Variants in RFTN1 observed in about 807,000 individuals in gnomAD.
RFTN1 encodes the protein raftlin, lipid raft linker 1, also known as raftlin.
In RFTN1, 26 loss-of-function variants were observed where a neutral mutation model predicts 46.5. The ratio of observed to expected loss-of-function variants is 0.56; its 90% CI spans 0.41 to 0.78. The LOEUF is 0.78. Ranked by LOEUF, RFTN1 falls within the 30% of genes least tolerant of loss-of-function variation. The probability of loss-of-function intolerance (pLI) is 0.00; values close to 1 mark genes in which losing one functional copy is unlikely to be tolerated. For missense variants in RFTN1, 693 were observed against 718.7 expected (o/e 0.96, Z 0.41); for synonymous variants, 261 against 284.2 (o/e 0.92, Z 0.82).
At position 16,428,532 on chromosome 3, in the gene RFTN1, C is replaced by G. The variant is rs1290856745; in HGVS notation, c.332+5319G>C. Among the ~76,000 whole-genome samples the G allele has an allele frequency of 6.6e-6, 1 of 152,196 alleles. No homozygotes were observed. Among genetic ancestry groups the G allele is most frequent in the Admixed American group, 6.5e-5 (1 of 15,284 alleles). On this transcript the variant is annotated intron_variant, in intron 3 of 9. Transcript: ENST00000334133. The surrounding 1 kb of genome is among the most constrained non-coding windows in gnomAD (Gnocchi z 4.7). Reference sequence around the variant, plus strand: ...TGCAGCCTCTGCATTAACTACAGGTCCTCTGTGTGCCCCCACCCTAATCCT... The same window carrying G: ...TGCAGCCTCTGCATTAACTACAGGTGCTCTGTGTGCCCCCACCCTAATCCT...
At position 16,435,476 on chromosome 3, in the gene RFTN1, G is replaced by A. The variant is rs554617179; in HGVS notation, c.146-1439C>T. Among the ~76,000 whole-genome samples the A allele has an allele frequency of 7.0e-4, 106 of 152,096 alleles. 1 individual carries two copies. The highest frequency in any genetic ancestry group is 4.1e-3 in the Admixed American group (63 of 15,280). The stretch of plus-strand genomic sequence containing the variant: ...TCCCAGCTACTCGGGAGGCTGAGGC[G>A]GAAGAATCTCTTGAACCTGGGAGGC... On this transcript the variant is annotated intron_variant, in intron 2 of 9. Coordinates refer to ENST00000334133, the MANE Select transcript of RFTN1 (RefSeq NM_015150.2).
rs1439717016 is a variant in RFTN1, at chr3:16,428,582, T to C, written c.332+5269A>G. On this transcript the variant is annotated intron_variant, in intron 3 of 9. Coordinates refer to ENST00000334133, the MANE Select transcript of RFTN1 (RefSeq NM_015150.2). This position sits in a 1 kb window ranked among gnomAD's most constrained non-coding sequence, Gnocchi z 4.7. ...TAGGCCAAAAGGTGCCTGATAAATGTCCACAGAGCTCCCTAGTATGCTGGT... is the reference window on the plus strand; with the variant it reads ...TAGGCCAAAAGGTGCCTGATAAATGCCCACAGAGCTCCCTAGTATGCTGGT... Among the ~76,000 whole-genome samples the C allele has an allele frequency of 6.6e-6, 1 of 152,158 alleles. No homozygotes were observed. The highest frequency in any genetic ancestry group is 1.5e-5 in the Non-Finnish European group (1 of 68,018).
rs1192254136 is a variant in RFTN1 at position 16,418,259 on chromosome 3, G to A, written c.333-8776C>T. ...GGCCACTAAAAAACAATTGCCTGTCGAAAAACTATTATAAACTATACTTCT... is the reference window on the plus strand; with the variant it reads ...GGCCACTAAAAAACAATTGCCTGTCAAAAAACTATTATAAACTATACTTCT... On this transcript the variant is annotated intron_variant, in intron 3 of 9. Transcript: ENST00000334133. The surrounding 1 kb of genome is among the most constrained non-coding windows in gnomAD (Gnocchi z 5.0). Among the ~76,000 whole-genome samples, 1 of 152,116 alleles carries A rather than the reference G, an allele frequency of 6.6e-6. No homozygotes were observed. The highest frequency in any genetic ancestry group is 1.5e-5 in the Non-Finnish European group (1 of 68,014).
chr3:16,510,572 C>T lies in RFTN1; in HGVS notation c.-9+2870G>A, dbSNP rs563703019. Among the ~76,000 whole-genome samples, 8 of 152,328 alleles carry T rather than the reference C, an allele frequency of 5.3e-5. No homozygotes were observed. In the South Asian group the frequency reaches 1.7e-3, roughly 32 times the overall value. ...CATGTTCCCCACTGCCTCAGATTCC[C>T]TCTGGCCCCAGAAGAACACTAGTCA... On this transcript the variant is annotated intron_variant, in intron 1 of 9. Coordinates refer to ENST00000334133, the MANE Select transcript of RFTN1 (RefSeq NM_015150.2).
Position 16,320,712 on chromosome 3 carries a change from T to C in RFTN1, c.1332+2664A>G, listed in dbSNP as rs952481701. On this transcript the variant is annotated intron_variant, in intron 9 of 9. Transcript: ENST00000334133. This position sits in a 1 kb window ranked among gnomAD's most constrained non-coding sequence, Gnocchi z 4.5. ...AGTAGAGCTAGAAAGGAGGAGAATG[T>C]CCTTGGCAGAGGGGACACGGAAGAA... 6.6e-6 allele frequency among the ~76,000 whole-genome samples: 1 copy of C among 152,138 alleles called. No individual in the cohort carries two copies. Among genetic ancestry groups the C allele is most frequent in the African/African-American group, 2.4e-5 (1 of 41,420 alleles).
chr3:16,440,771 G>A lies in RFTN1; in HGVS notation c.146-6734C>T, dbSNP rs1435696669. Among the ~76,000 whole-genome samples the A allele has an allele frequency of 3.9e-5, 6 of 152,102 alleles. No homozygotes were observed. Among genetic ancestry groups the A allele is most frequent in the African/African-American group, 1.4e-4 (6 of 41,408 alleles). ...CTTAATCTTCCTAATCTTTAAATGT[G>A]ACAAGTAACTGTAATTTTTTTCTCA... On this transcript the variant is annotated intron_variant, in intron 2 of 9. Transcript: ENST00000334133. This position sits in a 1 kb window ranked among gnomAD's most constrained non-coding sequence, Gnocchi z 4.6.
In RFTN1 at chr3:16,473,407, T is replaced by TC. The variant is rs1318692995; in HGVS notation, c.145+20317_145+20318insG. 2.0e-5 allele frequency among the ~76,000 whole-genome samples: 3 copies of TC among 151,936 alleles called. No homozygotes were observed. The highest frequency in any genetic ancestry group is 2.0e-4 in the Admixed American group (3 of 15,268). On this transcript the variant is annotated intron_variant, in intron 2 of 9. Transcript: ENST00000334133. The surrounding 1 kb of genome is among the most constrained non-coding windows in gnomAD (Gnocchi z 5.3). ...CTCTGTTTTCTTTCTTTTTTCTTTT[T>TC]TTTTTTTTCCTGAGATAGAGTCTGG...
In RFTN1 at chr3:16,512,399, A is replaced by G. The variant is rs1243749448; in HGVS notation, c.-9+1043T>C. Among the ~76,000 whole-genome samples the G allele has an allele frequency of 1.4e-5, 2 of 147,376 alleles. No individual in the cohort carries two copies. Among genetic ancestry groups the G allele is most frequent in the Non-Finnish European group, 3.0e-5 (2 of 67,412 alleles). ...TTGCTGGAAACTGGGGTGACCACTG[A>G]CAGAGATTGAGCCAGACTTTTTTTT... is the stretch of plus-strand genomic sequence containing the variant. On this transcript the variant is annotated intron_variant, in intron 1 of 9. Coordinates refer to ENST00000334133, the MANE Select transcript of RFTN1 (RefSeq NM_015150.2). The surrounding 1 kb of genome is among the most constrained non-coding windows in gnomAD (Gnocchi z 4.3).
At chr3:16,324,192 AGT>A (rs1478875573) in intron 8 of RFTN1, among the ~76,000 whole-genome samples, 3 of 152,152 alleles carry the variant, frequency 2.0e-5, no homozygotes, top group Non-Finnish European at 4.4e-5. Context: ...TATGGGGTAG[AGT>A]GTGATGTTTT....
chr3:16,461,709 G>T (rs1236461269), intron 2 of RFTN1, among the ~76,000 whole-genome samples: 19 of 152,180 alleles, frequency 1.2e-4, no homozygotes, highest in Admixed American at 8.5e-4. Context: ...GGCAGGCAGG[G>T]TCTAAATAAC....
rs148740330 is a variant in RFTN1 at position 16,378,032 on chromosome 3, G to C, written c.512C>G (p.Ser171Trp). 6.2e-7 allele frequency: 1 copy of C among 1,614,124 alleles called. No individual in the cohort carries two copies. The highest frequency in any genetic ancestry group is 2.2e-5 in the East Asian group (1 of 44,904). The change falls in exon 5 of 10, where the codon TCG (serine) becomes TGG (tryptophan). Residue 171 changes from serine (S) to tryptophan (W), a missense_variant. Transcript: ENST00000334133. ...AGACACCGGAGCACTGCTGCCTGCC[G>C]AGTTCACAGAGGAATGGTACTGAGG... ...VIPQYHSSVN[S>W]AGSSAPVSTA...
At position 16,366,922 on chromosome 3, in the gene RFTN1, C is replaced by T. The variant is rs548995875; in HGVS notation, c.1030+3154G>A. 1.2e-4 allele frequency among the ~76,000 whole-genome samples: 18 copies of T among 152,264 alleles called. No homozygotes were observed. The East Asian group carries it at 3.3e-3, about 28-fold the overall frequency. ...TCATTCTAAGGTTTAATGAACGACC[C>T]AGGGAGAGGAGTCCTGGACACCATG... On this transcript the variant is annotated intron_variant, in intron 6 of 9. Coordinates refer to ENST00000334133, the MANE Select transcript of RFTN1 (RefSeq NM_015150.2).
intron 3 of RFTN1, among the ~76,000 whole-genome samples, chr3:16,431,137 C>T (rs2075378312): frequency 6.6e-6 from 1 of 152,170 alleles, no homozygotes; most frequent in Non-Finnish European, 1.5e-5. Flanking sequence ...TCGATGTGCC[C>T]CTTGCACGAC....
At chr3:16,332,614 C>T (rs904365405) in intron 7 of RFTN1, among the ~76,000 whole-genome samples, 2 of 152,170 alleles carry the variant, frequency 1.3e-5, no homozygotes, top group African/African-American at 2.4e-5. Flanking sequence ...GTTCACATCC[C>T]CCAACCTCCC....
chr3:16,486,034 G>C (rs181300296), intron 2 of RFTN1, among the ~76,000 whole-genome samples: 16 of 152,328 alleles, frequency 1.1e-4, no homozygotes, highest in Admixed American at 3.3e-4. Flanking sequence ...CTTTAAAGCA[G>C]ACTCAGCATC....
chr3:16,410,562 G>T lies in RFTN1; in HGVS notation c.333-1079C>A, dbSNP rs1284949610. ...TTAAAAGGGTTCAACCCCTTTAGAG[G>T]GCAATCTGGCAAAATCTATGGAAAT... On this transcript the variant is annotated intron_variant, in intron 3 of 9. Transcript: ENST00000334133. The surrounding 1 kb of genome is among the most constrained non-coding windows in gnomAD (Gnocchi z 4.6). Among the ~76,000 whole-genome samples, 2 of 151,584 alleles carry T rather than the reference G, an allele frequency of 1.3e-5. No individual in the cohort carries two copies.
At chr3:16,436,467 T>A (rs2075518650) in intron 2 of RFTN1, among the ~76,000 whole-genome samples, 1 of 152,026 alleles carries the variant, frequency 6.6e-6, no homozygotes, top group South Asian at 2.1e-4. Flanking sequence ...AGTGATTCCA[T>A]GAAAAACTTT....
chr3:16,495,354 G>A (rs765519936), intron 1 of RFTN1, among the ~76,000 whole-genome samples: 5 of 152,242 alleles, frequency 3.3e-5, no homozygotes, highest in African/African-American at 7.2e-5. Flanking sequence ...CACGTAGCCC[G>A]TCAAGATGTG....
chr3:16,472,495 C>G (rs1480280360), intron 2 of RFTN1: 2 of 152,242 alleles, frequency 1.3e-5, no homozygotes, highest in African/African-American at 4.8e-5. Context: ...CCCAAACAAC[C>G]AAGCCAGGAA....
Sources: allele counts gnomAD v4.1 joint callset (sites outside exome capture counted in the v4.1 genomes callset), GRCh38; gene constraint gnomAD v4.1.1; non-coding constraint Gnocchi (gnomAD v3.1); transcripts MANE v1.5; gene names NCBI Gene and HGNC (gene_info 2026-07-23, HGNC 2026-07-21).